The following ABTB3 variants were observed in gnomAD, a reference collection of about 807,000 sequenced individuals.
ABTB3 encodes the protein ankyrin repeat- and BTB/POZ domain-containing protein 3.
At chr12:107,417,181 T>C in the ABTB3 span, among the ~76,000 whole-genome samples, 1 of 152,230 alleles carries the variant, frequency 6.6e-6, no homozygotes, top group South Asian at 2.1e-4. Flanking sequence ...GGTACACTCA[T>C]TGATTGGTTA....
the ABTB3 span, among the ~76,000 whole-genome samples, chr12:107,474,770 G>A: frequency 2.0e-5 from 3 of 151,986 alleles, no homozygotes; most frequent in East Asian, 5.8e-4. Context: ...TGGTTCTTAA[G>A]GCAGCAGATG....
At chr12:107,526,145 G>A in the ABTB3 span, among the ~76,000 whole-genome samples, 1 of 152,186 alleles carries the variant, frequency 6.6e-6, no homozygotes, top group Non-Finnish European at 1.5e-5. Flanking sequence ...CTGCAAGTGA[G>A]TAGGACTCTT....
At chr12:107,320,162 T>C in the ABTB3 span, 1 of 1,340,830 alleles carries the variant, frequency 7.5e-7, no homozygotes, top group South Asian at 2.3e-5. Context: ...TCCCGCGTCT[T>C]CCCAGCCACG....
chr12:107,348,182 G>A, the ABTB3 span, among the ~76,000 whole-genome samples: 1 of 152,036 alleles, frequency 6.6e-6, no homozygotes, highest in Admixed American at 6.5e-5. Flanking sequence ...GTGCATGCGT[G>A]TGTGTATATA....
At chr12:107,378,393 C>T in the ABTB3 span, among the ~76,000 whole-genome samples, 1 of 152,196 alleles carries the variant, frequency 6.6e-6, no homozygotes, top group Non-Finnish European at 1.5e-5. Context: ...CCAGGACCTG[C>T]GCTTAAAGCA....
At chr12:107,509,600 A>C in the ABTB3 span, among the ~76,000 whole-genome samples, 3 of 152,222 alleles carry the variant, frequency 2.0e-5, no homozygotes, top group Non-Finnish European at 4.4e-5. Context: ...TGTGCAGCAC[A>C]GCAGGGTGAC....
At chr12:107,504,506 CA>C in the ABTB3 span, among the ~76,000 whole-genome samples, 2 of 152,310 alleles carry the variant, frequency 1.3e-5, no homozygotes, top group African/African-American at 4.8e-5. Flanking sequence ...AGTCTATAGT[CA>C]CCAGGCTGTT....
chr12:107,406,109 T>C, the ABTB3 span, among the ~76,000 whole-genome samples: 2 of 152,214 alleles, frequency 1.3e-5, no homozygotes, highest in African/African-American at 4.8e-5. Flanking sequence ...TGGGTATCAC[T>C]TTCCTCATCT....
the ABTB3 span, among the ~76,000 whole-genome samples, chr12:107,494,185 T>C: frequency 6.6e-6 from 1 of 152,154 alleles, no homozygotes; most frequent in African/African-American, 2.4e-5. Context: ...GAAGAATTCA[T>C]ATGAGCATTG....
At chr12:107,490,684 A>C in the ABTB3 span, among the ~76,000 whole-genome samples, 61 of 152,302 alleles carry the variant, frequency 4.0e-4, no homozygotes, top group African/African-American at 1.4e-3. Flanking sequence ...TCATTACTGC[A>C]GTCCTGTGAC....
At chr12:107,349,028 C>T in the ABTB3 span, among the ~76,000 whole-genome samples, 1 of 152,292 alleles carries the variant, frequency 6.6e-6, no homozygotes, top group African/African-American at 2.4e-5. Context: ...CTCTCTGTAC[C>T]TGTAAACCTG....
the ABTB3 span, among the ~76,000 whole-genome samples, chr12:107,580,466 G>A: frequency 6.6e-6 from 1 of 152,220 alleles, no homozygotes; most frequent in South Asian, 2.1e-4. Context: ...GGAACTTGAG[G>A]CTCTCAGAGT....
the ABTB3 span, among the ~76,000 whole-genome samples, chr12:107,562,620 C>A: frequency 6.6e-6 from 1 of 152,150 alleles, no homozygotes; most frequent in East Asian, 1.9e-4. Context: ...GATTTCTATT[C>A]CATATGTGAC....
chr12:107,537,583 T>C, the ABTB3 span, among the ~76,000 whole-genome samples: 1 of 152,124 alleles, frequency 6.6e-6, no homozygotes, highest in Non-Finnish European at 1.5e-5. Flanking sequence ...GCCTTCCCCC[T>C]TGGCTTTTCC....
At chr12:107,557,288 T>C in the ABTB3 span, among the ~76,000 whole-genome samples, 1 of 151,918 alleles carries the variant, frequency 6.6e-6, no homozygotes, top group African/African-American at 2.4e-5. Context: ...AGCATGTTAC[T>C]CTACCGAATA....
At chr12:107,386,890 A>AGTGTGTGTGT in the ABTB3 span, among the ~76,000 whole-genome samples, 1,571 of 143,314 alleles carry the variant, frequency 0.011, 26 homozygotes, top group African/African-American at 0.03. Context: ...GGAAATGGAA[A>AGTGTGTGTGT]GTGTGTGTGT....
chr12:107,641,190 C>A, the ABTB3 span, among the ~76,000 whole-genome samples: 1 of 152,272 alleles, frequency 6.6e-6, no homozygotes, highest in South Asian at 2.1e-4. Flanking sequence ...GTCCCCCCAC[C>A]AAAACCAAAC....
chr12:107,515,124 C>A, the ABTB3 span, among the ~76,000 whole-genome samples: 19 of 152,190 alleles, frequency 1.2e-4, no homozygotes, highest in African/African-American at 4.6e-4. Context: ...GATTCTATGA[C>A]CTGCCGAAAG....
chr12:107,521,400 C>T, the ABTB3 span, among the ~76,000 whole-genome samples: 1 of 151,896 alleles, frequency 6.6e-6, no homozygotes, highest in Non-Finnish European at 1.5e-5. Context: ...GAAATCTTCC[C>T]TTCATGGCCT....
Sources: gnomAD v4.1 joint callset for allele counts (sites outside exome capture counted in the v4.1 genomes callset) on GRCh38, gnomAD v4.1.1 for gene constraint, MANE v1.5 for transcripts, NCBI Gene and HGNC (gene_info 2026-07-23, HGNC 2026-07-21) for gene names.